The following PARN variants were observed in gnomAD, a reference collection of about 807,000 sequenced individuals.
PARN encodes the protein poly(A)-specific ribonuclease PARN.
PARN carries 71 observed loss-of-function variants against 102.8 expected under a neutral mutation model. The ratio of observed to expected loss-of-function variants is 0.69; its 90% CI spans 0.57 to 0.84. The LOEUF (loss-of-function observed/expected upper bound fraction) is 0.84. PARN is among the 40% of genes least tolerant of loss of function. The pLI is 0.00. For missense variants in PARN, 782 were observed against 760.9 expected, an observed-to-expected ratio of 1.03 and a Z score of -0.33; for synonymous variants, 261 against 252.9, an observed-to-expected ratio of 1.03 and a Z score of -0.30.
chr16:14,465,601 A>G (rs895942222), intron 22 of PARN, among the ~76,000 whole-genome samples: 29 of 152,210 alleles, frequency 1.9e-4, no homozygotes, highest in Non-Finnish European at 2.9e-5. Flanking sequence ...AATATTATAT[A>G]TCCTAATTCA....
chr16:14,451,074 C>CA (rs1961422946), intron 22 of PARN, among the ~76,000 whole-genome samples: 1 of 152,214 alleles, frequency 6.6e-6, no homozygotes, highest in Non-Finnish European at 1.5e-5. Context: ...GCCTATCTTT[C>CA]ACTAGGCAGC....
intron 21 of PARN, among the ~76,000 whole-genome samples, chr16:14,522,805 C>T (rs1488587704): frequency 6.6e-6 from 1 of 152,118 alleles, no homozygotes; most frequent in Non-Finnish European, 1.5e-5. Flanking sequence ...CTGTCCATGG[C>T]CTGGGGTGGG....
At chr16:14,599,070 G>C (rs1970722339) in intron 12 of PARN, among the ~76,000 whole-genome samples, 1 of 139,904 alleles carries the variant, frequency 7.1e-6, no homozygotes, top group Non-Finnish European at 1.5e-5. Flanking sequence ...TTGGAGACAG[G>C]GTCTGTCTGT....
rs778991876 is a variant in PARN, at chr16:14,629,663, T to C, written c.31A>G (p.Asn11Asp). The C allele has an allele frequency of 6.2e-7, 1 of 1,612,626 alleles. No individual in the cohort carries two copies. Among genetic ancestry groups the C allele is most frequent in the Non-Finnish European group, 8.5e-7 (1 of 1,178,590 alleles). The change falls in exon 2 of 24, where the codon AAT becomes GAT. Residue 11 changes from asparagine to aspartate, a missense_variant. By Grantham distance (23) the Asn-to-Asp change is conservative. Transcript: ENST00000437198. MEIIRSNFKS[N>D]LHKVYQAIEE... ...ATGGCCTGGTACACTTTGTGAAGAT[T>C]ACTCTTAAAATCTGCGGAGAAACCG... is the stretch of plus-strand genomic sequence containing the variant.
At position 14,436,520 on chromosome 16, in the gene PARN, C is replaced by T. The variant is rs1960703454; in HGVS notation, c.*197G>A. 3 of 602,852 alleles carry T rather than the reference C, an allele frequency of 5.0e-6. No individual in the cohort carries two copies. Among genetic ancestry groups the T allele is most frequent in the East Asian group, 5.5e-5 (2 of 36,336 alleles). The allele number at this position is 602,852 out of a possible 1,614,324, so 37.3% of individuals were successfully genotyped here. A position where few individuals can be genotyped will look rare whatever the true frequency, so the allele number is the denominator to read the frequency against. ...CAACCGTGATGAGTGTCAATGTCAA[C>T]AGGCAGTTAGATTAAAAAGGGGAAA... On this transcript the variant is annotated 3_prime_UTR_variant, in exon 24 of 24. Transcript: ENST00000437198.
At position 14,489,403 on chromosome 16, in the gene PARN, C is replaced by A. The variant is rs1312538753; in HGVS notation, c.1481-6576G>T. Reference sequence around the variant, plus strand: ...GAGGTTGCAGTGAGCCGAGATCGTGCCACTGCACTCCAGCCTGGCGACAGA... The same window carrying A: ...GAGGTTGCAGTGAGCCGAGATCGTGACACTGCACTCCAGCCTGGCGACAGA... On this transcript the variant is annotated intron_variant, in intron 21 of 23. Coordinates refer to ENST00000437198, the MANE Select transcript of PARN (RefSeq NM_002582.4). Among the ~76,000 whole-genome samples, 3 of 147,234 alleles carry A rather than the reference C, an allele frequency of 2.0e-5. No individual in the cohort carries two copies. The East Asian group carries it at 5.9e-4, about 29-fold the overall frequency.
chr16:14,554,285 A>G, intron 19 of PARN, 134 bp from the exon 20 acceptor site: 2 of 622,734 alleles, frequency 3.2e-6, no homozygotes, highest in South Asian at 2.1e-5. Context: ...AACAACTCCT[A>G]AAAGTATGCC....
chr16:14,530,100 T>C (rs1966240405), intron 21 of PARN, among the ~76,000 whole-genome samples: 1 of 152,186 alleles, frequency 6.6e-6, no homozygotes. Context: ...AGGTAAGCTA[T>C]TCATCCTGCT....
chr16:14,603,972 T>C (rs1971029331), intron 11 of PARN, among the ~76,000 whole-genome samples, 174 bp downstream of exon 11: 1 of 152,260 alleles, frequency 6.6e-6, no homozygotes, highest in South Asian at 2.1e-4. Flanking sequence ...CTACGTCTCA[T>C]GCTTAAATCT....
At chr16:14,446,590 T>C (rs1470967529) in intron 23 of PARN, among the ~76,000 whole-genome samples, 7 of 152,164 alleles carry the variant, frequency 4.6e-5, no homozygotes, top group African/African-American at 7.2e-5. Context: ...ATTTTAAATA[T>C]TGAGGCTGCT....
At chr16:14,504,696 G>A (rs1161547395) in intron 21 of PARN, among the ~76,000 whole-genome samples, 1 of 152,158 alleles carries the variant, frequency 6.6e-6, no homozygotes, top group African/African-American at 2.4e-5. Flanking sequence ...TTGGGAAAAA[G>A]TAACATGAAT....
At chr16:14,531,206 G>A (rs142109885) in intron 21 of PARN, among the ~76,000 whole-genome samples, 249 of 152,250 alleles carry the variant, frequency 1.6e-3, no homozygotes, top group African/African-American at 4.8e-3. Context: ...TTAGCCAGGC[G>A]TTGTGGTTAG....
intron 5 of PARN, among the ~76,000 whole-genome samples, chr16:14,623,940 T>C (rs1280469827): frequency 6.6e-6 from 1 of 152,038 alleles, no homozygotes; most frequent in Admixed American, 6.6e-5. Context: ...TGAATTCAAC[T>C]ACAGATCTTC....
At chr16:14,517,693 T>C (rs1965525444) in intron 21 of PARN, among the ~76,000 whole-genome samples, 1 of 152,208 alleles carries the variant, frequency 6.6e-6, no homozygotes, top group South Asian at 2.1e-4. Flanking sequence ...TTTTTCTTTT[T>C]TTGAGACAGA....
chr16:14,528,694 C>G (rs894160943), intron 21 of PARN, among the ~76,000 whole-genome samples: 7 of 152,188 alleles, frequency 4.6e-5, no homozygotes, highest in Admixed American at 2.0e-4. Context: ...CATAACCTCA[C>G]TGAATTCTCC....
intron 12 of PARN, among the ~76,000 whole-genome samples, chr16:14,599,434 T>C (rs369756385): frequency 6.6e-6 from 1 of 152,196 alleles, no homozygotes; most frequent in Non-Finnish European, 1.5e-5. Context: ...ATGGCCAATA[T>C]CTTTTTAAAA....
intron 16 of PARN, among the ~76,000 whole-genome samples, chr16:14,583,807 C>A (rs574960396): frequency 6.6e-6 from 1 of 152,138 alleles, no homozygotes; most frequent in African/African-American, 2.4e-5. Context: ...TCTCCACATA[C>A]CTTGGTGGTG....
At chr16:14,494,198 A>G (rs1036081847) in intron 21 of PARN, among the ~76,000 whole-genome samples, 11 of 152,218 alleles carry the variant, frequency 7.2e-5, no homozygotes, top group Non-Finnish European at 1.2e-4. Context: ...TCTCATGGAC[A>G]TTAATGAACG....
At chr16:14,509,328 C>T (rs1965066737) in intron 21 of PARN, among the ~76,000 whole-genome samples, 1 of 152,124 alleles carries the variant, frequency 6.6e-6, no homozygotes, top group Non-Finnish European at 1.5e-5. Context: ...CCTGCTGGCT[C>T]ACAGAAAGAA....
Sources: gnomAD v4.1 joint callset for allele counts (sites outside exome capture counted in the v4.1 genomes callset) on GRCh38, gnomAD v4.1.1 for gene constraint, MANE v1.5 for transcripts, NCBI Gene and HGNC (gene_info 2026-07-23, HGNC 2026-07-21) for gene names.